The following HEATR5B variants were observed in gnomAD, a reference collection of about 807,000 sequenced individuals.
HEATR5B encodes HEAT repeat containing 5B.
HEATR5B carries 156 observed loss-of-function variants against 224.1 expected under a neutral mutation model. The observed-to-expected ratio is 0.70, with a 90% CI of 0.61 to 0.80. HEATR5B has a LOEUF of 0.80. Ranked by LOEUF, HEATR5B falls within the 30% of genes least tolerant of loss-of-function variation. The probability of loss-of-function intolerance (pLI) is 0.00; values close to 1 mark genes in which losing one functional copy is unlikely to be tolerated. For synonymous variants in HEATR5B, 1,027 were observed against 893.0 expected, an observed-to-expected ratio of 1.15 and a Z score of -2.68; for missense variants, 2,323 against 2,535.5, an observed-to-expected ratio of 0.92 and a Z score of 1.80.
chr2:37,054,646 A>G (rs1384572345), intron 16 of HEATR5B, among the ~76,000 whole-genome samples: 1 of 148,846 alleles, frequency 6.7e-6, no homozygotes, highest in Non-Finnish European at 1.5e-5. Context: ...CACTACACCC[A>G]GCTAATTTTG....
In HEATR5B at chr2:37,065,858, A is replaced by C; in HGVS notation, c.1230T>G (p.Ile410Met). 1 of 1,613,810 alleles carries C rather than the reference A, an allele frequency of 6.2e-7. No homozygotes were observed. Among genetic ancestry groups the C allele is most frequent in the East Asian group, 2.2e-5 (1 of 44,862 alleles). The change falls in exon 9 of 36, where the codon ATT becomes ATG. Residue 410 changes from isoleucine (I) to methionine (M), a missense_variant. Ile to Met is a conservative substitution (Grantham distance 10). Transcript: ENST00000233099. ...SGENKSGAADIAASQHVMVCA... is the reference protein window; with the variant it reads ...SGENKSGAADMAASQHVMVCA... Reference sequence around the variant, plus strand: ...AGACCATCACATGCTGGCTTGCTGCAATGTCTGCTGCGCCAGATTTGTTTT... The same window carrying C: ...AGACCATCACATGCTGGCTTGCTGCCATGTCTGCTGCGCCAGATTTGTTTT...
intron 20 of HEATR5B, among the ~76,000 whole-genome samples, chr2:37,039,501 C>T (rs534758587): frequency 4.3e-4 from 66 of 152,252 alleles, no homozygotes; most frequent in Non-Finnish European, 8.2e-4. Context: ...CTGGGCTTCA[C>T]TTCTTACTCC....
chr2:37,055,665 T>C lies in HEATR5B; in HGVS notation c.2399+775A>G, dbSNP rs570265799. 5.3e-5 allele frequency among the ~76,000 whole-genome samples: 8 copies of C among 152,348 alleles called. No homozygotes were observed. In the South Asian group the frequency reaches 1.2e-3, roughly 24 times the overall value. On this transcript the variant is annotated intron_variant, in intron 16 of 35. Transcript: ENST00000233099. ...TTTTGTAGAGATGAGTGTCTCACTA[T>C]GTTTCCCAGGCTGGTCTGAAACTCC...
At chr2:37,071,861 T>C (rs544619255) in intron 6 of HEATR5B, among the ~76,000 whole-genome samples, 1 of 152,168 alleles carries the variant, frequency 6.6e-6, no homozygotes, top group South Asian at 2.1e-4. Context: ...ATTTTTGTAT[T>C]TTCAGTAGAG....
At chr2:37,035,431 C>T (rs1293249430) in intron 21 of HEATR5B, among the ~76,000 whole-genome samples, 4 of 152,150 alleles carry the variant, frequency 2.6e-5, no homozygotes, top group Admixed American at 6.5e-5. Flanking sequence ...CATTTGTCTA[C>T]TTGAGTATCC....
intron 33 of HEATR5B, among the ~76,000 whole-genome samples, chr2:36,991,385 C>T (rs1431496084): frequency 6.6e-6 from 1 of 151,026 alleles, no homozygotes; most frequent in East Asian, 2.0e-4. Flanking sequence ...ATCCCAGCTA[C>T]TTGGGAGGCT....
chr2:37,044,144 T>C (rs1370011787), intron 18 of HEATR5B, among the ~76,000 whole-genome samples: 1 of 152,240 alleles, frequency 6.6e-6, no homozygotes, highest in Non-Finnish European at 1.5e-5. Context: ...ACTCACAGCG[T>C]GTATCAATTT....
chr2:37,055,703 A>G (rs2148542553), intron 16 of HEATR5B, among the ~76,000 whole-genome samples: 1 of 152,316 alleles, frequency 6.6e-6, no homozygotes, highest in East Asian at 1.9e-4. Context: ...GCCTCAAGCA[A>G]TTCTCTTGCC....
intron 28 of HEATR5B, chr2:37,008,053 T>C (rs532547954): frequency 6.4e-6 from 1 of 156,176 alleles, no homozygotes; most frequent in Non-Finnish European, 1.4e-5. Context: ...CTTGCTGTTA[T>C]GATGGATTAA....
At chr2:36,998,516 T>C (rs1315758039) in intron 33 of HEATR5B, among the ~76,000 whole-genome samples, 1 of 152,220 alleles carries the variant, frequency 6.6e-6, no homozygotes, top group Non-Finnish European at 1.5e-5. Flanking sequence ...AAATGTACCA[T>C]CGATTCTACT....
At chr2:37,056,299 A>C in intron 16 of HEATR5B, 141 bp downstream of exon 16, 1 of 528,478 alleles carries the variant, frequency 1.9e-6, no homozygotes, top group Non-Finnish European at 3.2e-6. Flanking sequence ...TCTGTCACTT[A>C]CATTAGTAAA....
chr2:37,012,179 G>C (rs1667828310), intron 27 of HEATR5B, among the ~76,000 whole-genome samples: 1 of 152,080 alleles, frequency 6.6e-6, no homozygotes, highest in African/African-American at 2.4e-5. Context: ...AACACGCTCA[G>C]TTTTTTACCT....
intron 10 of HEATR5B, among the ~76,000 whole-genome samples, chr2:37,062,722 G>A (rs1671360122): frequency 1.3e-5 from 2 of 152,210 alleles, no homozygotes; most frequent in Non-Finnish European, 2.9e-5. Flanking sequence ...ATTTCATCAT[G>A]TGACAAATCC....
At chr2:36,994,646 G>A (rs537037991) in intron 33 of HEATR5B, among the ~76,000 whole-genome samples, 1 of 152,212 alleles carries the variant, frequency 6.6e-6, no homozygotes, top group South Asian at 2.1e-4. Context: ...TCATATGAAT[G>A]AACTAGCTTG....
chr2:37,014,112 C>T, intron 26 of HEATR5B, 92 bp from the exon 27 acceptor site: 1 of 649,480 alleles, frequency 1.5e-6, no homozygotes, highest in Non-Finnish European at 2.5e-6. Flanking sequence ...GAAGATAAAA[C>T]ACAAAACCAA....
At chr2:37,011,123 C>T (rs1385145722) in intron 27 of HEATR5B, among the ~76,000 whole-genome samples, 4 of 152,160 alleles carry the variant, frequency 2.6e-5, no homozygotes, top group East Asian at 1.9e-4. Flanking sequence ...AATGAACACT[C>T]GGCAGTTTAT....
rs1416668084 is a variant in HEATR5B at position 37,028,846 on chromosome 2, C to G, written c.3436G>C (p.Glu1146Gln). 1.9e-6 allele frequency: 3 copies of G among 1,614,104 alleles called. No homozygotes were observed. The highest frequency in any genetic ancestry group is 1.1e-5 in the South Asian group (1 of 91,082). The change falls in exon 23 of 36, where the codon GAA (glutamate) becomes CAA (glutamine). Residue 1146 changes from glutamate (E) to glutamine (Q), a missense_variant. Physicochemically the swap from Glu to Gln is conservative, Grantham distance 29. Coordinates refer to ENST00000233099, the MANE Select transcript of HEATR5B (RefSeq NM_019024.3). ...HCRHQGVNIT[E>Q]TGLEGLLFGM... Reference sequence around the variant, plus strand: ...AAAAGAAGTCCCTCAAGACCAGTTTCTGTTATATTAACACCTTGGTGCCGG... The same window carrying G: ...AAAAGAAGTCCCTCAAGACCAGTTTGTGTTATATTAACACCTTGGTGCCGG...
chr2:37,003,623 C>T lies in HEATR5B; in HGVS notation c.4969G>A (p.Val1657Ile), dbSNP rs1296034918. 6.2e-7 allele frequency: 1 copy of T among 1,612,412 alleles called. No individual in the cohort carries two copies. Among genetic ancestry groups the T allele is most frequent in the South Asian group, 1.1e-5 (1 of 90,970 alleles). ...RLLLTWNPSS[V>I]QLLVTGVVQQ... Reference sequence around the variant, plus strand: ...ACAACTCCAGTAACCAACAGCTGGACAGATGATGGATTCCAGGTCAATAGA... The same window carrying T: ...ACAACTCCAGTAACCAACAGCTGGATAGATGATGGATTCCAGGTCAATAGA... The change falls in exon 31 of 36, where the codon GTC (valine) becomes ATC (isoleucine). Residue 1657 changes from valine (V) to isoleucine (I), a missense_variant. Val to Ile is a conservative substitution (Grantham distance 29). Transcript: ENST00000233099.
At chr2:37,072,795 G>C (rs1160379770) in intron 5 of HEATR5B, among the ~76,000 whole-genome samples, 1 of 151,546 alleles carries the variant, frequency 6.6e-6, no homozygotes, top group Non-Finnish European at 1.5e-5. Context: ...AATCAGAAAT[G>C]AGAGAGGTCA....
Sources: allele counts gnomAD v4.1 joint callset (sites outside exome capture counted in the v4.1 genomes callset), GRCh38; gene constraint gnomAD v4.1.1; transcripts MANE v1.5; gene names NCBI Gene and HGNC (gene_info 2026-07-23, HGNC 2026-07-21).